CHRDL2: variants seen among roughly 807,000 people sequenced by gnomAD.
CHRDL2 encodes the protein chordin-like protein 2.
A neutral mutation model predicts 54.3 loss-of-function variants in CHRDL2; 41 were observed. The observed-to-expected ratio is 0.76, with a 90% CI of 0.59 to 0.98. CHRDL2 has a LOEUF of 0.98. CHRDL2 is among the 50% of genes least tolerant of loss of function. The pLI, the probability that CHRDL2 is intolerant of heterozygous loss-of-function variation, is 0.00. For synonymous variants in CHRDL2, 220 were observed against 224.3 expected, an observed-to-expected ratio of 0.98 and a Z score of 0.17; for missense variants, 518 against 562.4, an observed-to-expected ratio of 0.92 and a Z score of 0.80.
rs1161002518 is a variant in CHRDL2 at position 74,713,549 on chromosome 11, A to C, written c.196-70T>G. On this transcript the variant is annotated intron_variant, in intron 2 of 10. Transcript: ENST00000376332. ...CTTCCACCTGTACCTGTCCTTTCCCAAAACTCCCACCCCAACTGCAGAAGT... is the reference window on the plus strand; with the variant it reads ...CTTCCACCTGTACCTGTCCTTTCCCCAAACTCCCACCCCAACTGCAGAAGT... 3 of 1,230,424 alleles carry C rather than the reference A, an allele frequency of 2.4e-6. No homozygotes were observed. In the African/African-American group the frequency reaches 4.5e-5, roughly 18 times the overall value. The allele number at this position is 1,230,424 out of a possible 1,614,324, so 76.2% of individuals were successfully genotyped here.
chr11:74,700,635 T>A (rs1172924331), intron 9 of CHRDL2, among the ~76,000 whole-genome samples: 1 of 141,380 alleles, frequency 7.1e-6, no homozygotes, highest in Non-Finnish European at 1.6e-5. Flanking sequence ...ATTATTATTA[T>A]TATTATTATT....
At chr11:74,698,168 A>G (rs1314434602) in intron 9 of CHRDL2, 1 of 148,728 alleles carries the variant, frequency 6.7e-6, no homozygotes, top group Non-Finnish European at 1.5e-5. Context: ...GGTTCAAGCG[A>G]TTCTCCTGCC....
intron 2 of CHRDL2, among the ~76,000 whole-genome samples, chr11:74,715,179 A>AT (rs1409868778): frequency 4.6e-5 from 7 of 152,202 alleles, no homozygotes; most frequent in Non-Finnish European, 2.9e-5. Context: ...ACGTGGACTC[A>AT]TTCACGCTCA....
intron 4 of CHRDL2, among the ~76,000 whole-genome samples, chr11:74,708,801 G>A (rs752219637): frequency 6.6e-6 from 1 of 152,242 alleles, no homozygotes; most frequent in Non-Finnish European, 1.5e-5. Flanking sequence ...ACAGGTGGGT[G>A]ATACCTGGGC....
intron 4 of CHRDL2, among the ~76,000 whole-genome samples, chr11:74,710,501 T>G (rs1362893495): frequency 6.6e-6 from 1 of 152,238 alleles, no homozygotes; most frequent in South Asian, 2.1e-4. Context: ...ACTGATCATT[T>G]GCGTATTCAT....
intron 9 of CHRDL2, chr11:74,701,695 A>G (rs2033817995): frequency 1.5e-6 from 1 of 683,134 alleles, no homozygotes; most frequent in Non-Finnish European, 2.7e-6. Context: ...GTTGAGGATC[A>G]AATGAGATAG....
intron 1 of CHRDL2, among the ~76,000 whole-genome samples, chr11:74,729,601 G>A (rs2034621752): frequency 6.6e-6 from 1 of 152,204 alleles, no homozygotes; most frequent in African/African-American, 2.4e-5. Flanking sequence ...AAACAAGACC[G>A]TAACAAAGTC....
chr11:74,698,762 A>T (rs1324230347), intron 9 of CHRDL2: 2 of 152,494 alleles, frequency 1.3e-5, no homozygotes, highest in African/African-American at 4.8e-5. Context: ...AGGGGGAATG[A>T]GGTATTAGCT....
intron 7 of CHRDL2, 76 bp downstream of exon 7, chr11:74,704,410 G>T: frequency 2.8e-6 from 4 of 1,423,296 alleles, no homozygotes; most frequent in Non-Finnish European, 3.9e-6. Flanking sequence ...GGGTTCAGGG[G>T]GTTGGGGGTG....
intron 5 of CHRDL2, among the ~76,000 whole-genome samples, chr11:74,707,173 C>A (rs2034038355): frequency 6.6e-6 from 1 of 152,224 alleles, no homozygotes; most frequent in Admixed American, 6.5e-5. Flanking sequence ...ACCAATCATT[C>A]CCGTTTCAAA....
chr11:74,703,425 G>A lies in CHRDL2; in HGVS notation c.826C>T (p.Pro276Ser). ...HPAFRAFGPL[P>S]CILCTCEDGR... ...TCCTCACAGGTGCATAGGATGCAGG[G>A]CAAGGGGCCGAAGGCACGGAAGGCC... Residue 276 changes from proline to serine, a missense_variant, in exon 8 of 11, where the codon CCC becomes TCC. Transcript: ENST00000376332. 1.2e-6 allele frequency: 2 copies of A among 1,613,514 alleles called. No homozygotes were observed. The highest frequency in any genetic ancestry group is 2.2e-5 in the East Asian group (1 of 44,884).
At position 74,731,031 on chromosome 11, in the gene CHRDL2, A is replaced by T; in HGVS notation, c.-143T>A. On this transcript the variant is annotated 5_prime_UTR_variant, in exon 1 of 11. Transcript: ENST00000376332. The surrounding 1 kb of genome is among the most constrained non-coding windows in gnomAD (Gnocchi z 4.4). ...AGAGCGGGGTCGGAGAAGGGCCAGGAAGCAGCGGTGGGCAGGAAAGGAGGG... is the reference window on the plus strand; with the variant it reads ...AGAGCGGGGTCGGAGAAGGGCCAGGTAGCAGCGGTGGGCAGGAAAGGAGGG... The T allele has an allele frequency of 4.6e-6, 3 of 647,274 alleles. No individual in the cohort carries two copies. The highest frequency in any genetic ancestry group is 8.1e-6 in the Non-Finnish European group (3 of 372,228). The allele number at this position is 647,274 out of a possible 1,614,324, so 40.1% of individuals were successfully genotyped here. A position where few individuals can be genotyped will look rare whatever the true frequency, so the allele number is the denominator to read the frequency against.
rs2034436314 is a variant in CHRDL2, at chr11:74,718,928, T to C, written c.83-96A>G. ...CTTTCTAGCTCTAAAAGAGATGTCA[T>C]CTGGGCCACTCAGGCAAAAGAGAAT... On this transcript the variant is annotated intron_variant, in intron 1 of 10. Transcript: ENST00000376332. The C allele has an allele frequency of 6.7e-6, 5 of 745,836 alleles. No individual in the cohort carries two copies. In the Admixed American group the frequency reaches 1.1e-4, roughly 16 times the overall value. The allele number at this position is 745,836 out of a possible 1,614,324, so 46.2% of individuals were successfully genotyped here. A position where few individuals can be genotyped will look rare whatever the true frequency, so the allele number is the denominator to read the frequency against.
At chr11:74,713,549 A>G (rs1161002518) in intron 2 of CHRDL2, 70 bp from the exon 3 acceptor site, 2 of 1,230,424 alleles carry the variant, frequency 1.6e-6, no homozygotes, top group Non-Finnish European at 2.4e-6. Context: ...GTCCTTTCCC[A>G]AAACTCCCAC....
At position 74,713,394 on chromosome 11, in the gene CHRDL2, T is replaced by G. The variant is rs1591362092; in HGVS notation, c.281A>C (p.Lys94Thr). ...PVTEPQQCCPKCVEPHTPSGL... is the reference protein window; with the variant it reads ...PVTEPQQCCPTCVEPHTPSGL... ...GGAGCATGGCTACTTACCCACACAC[T>G]TGGGACAGCATTGCTGTGGCTCCGT... Residue 94 changes from lysine (K) to threonine (T), a missense_variant, in exon 3 of 11, where the codon AAG (lysine) becomes ACG (threonine). Physicochemically the swap from Lys to Thr is moderately conservative, Grantham distance 78 (BLOSUM62 -1). Transcript: ENST00000376332. 1.9e-6 allele frequency: 3 copies of G among 1,613,910 alleles called. No individual in the cohort carries two copies. Among genetic ancestry groups the G allele is most frequent in the Non-Finnish European group, 1.7e-6 (2 of 1,179,868 alleles).
At chr11:74,730,645 G>C (rs1008152302) in intron 1 of CHRDL2, among the ~76,000 whole-genome samples, 162 bp downstream of exon 1, 1 of 152,138 alleles carries the variant, frequency 6.6e-6, no homozygotes, top group African/African-American at 2.4e-5. Context: ...GAGTTCCTCC[G>C]GTCCCCCGGC....
chr11:74,714,123 C>T lies in CHRDL2; in HGVS notation c.196-644G>A, dbSNP rs181676461. On this transcript the variant is annotated intron_variant, in intron 2 of 10. Transcript: ENST00000376332. Reference sequence around the variant, plus strand: ...CCGAGGCAGAGTGGCCACCACCCCTCGTGGGGGTCTTCCCAGCTCTCCAGG... The same window carrying T: ...CCGAGGCAGAGTGGCCACCACCCCTTGTGGGGGTCTTCCCAGCTCTCCAGG... Among the ~76,000 whole-genome samples, 1,377 of 151,932 alleles carry T rather than the reference C, an allele frequency of 9.1e-3. 10 individuals are homozygous for T. Among genetic ancestry groups the T allele is most frequent in the Non-Finnish European group, 0.013 (908 of 67,972 alleles).
chr11:74,700,643 ATTT>A (rs10661880), intron 9 of CHRDL2, among the ~76,000 whole-genome samples: 1 of 136,034 alleles, frequency 7.4e-6, no homozygotes, highest in Non-Finnish European at 1.6e-5. Flanking sequence ...TATTATTATT[ATTT>A]TTTTTTTTTT....
chr11:74,719,099 T>C, intron 1 of CHRDL2: 1 of 423,728 alleles, frequency 2.4e-6, no homozygotes, highest in Non-Finnish European at 4.2e-6. Flanking sequence ...AGTTAGGGAA[T>C]CAAGCAGTGA....
Sources: allele counts gnomAD v4.1 joint callset (sites outside exome capture counted in the v4.1 genomes callset), GRCh38; gene constraint gnomAD v4.1.1; non-coding constraint Gnocchi (gnomAD v3.1); transcripts MANE v1.5; gene names NCBI Gene and HGNC (gene_info 2026-07-23, HGNC 2026-07-21).